SNX30: variants seen among roughly 807,000 people sequenced by gnomAD.
The protein encoded by SNX30 is sorting nexin family member 30, also known as sorting nexin-30.
A neutral mutation model predicts 46.4 loss-of-function variants in SNX30; 24 were observed. The ratio of observed to expected loss-of-function variants is 0.52; its 90% CI spans 0.37 to 0.73. The LOEUF is 0.73. SNX30 is among the 30% of genes least tolerant of loss of function. The pLI, the probability that SNX30 is intolerant of heterozygous loss-of-function variation, is 0.00. For missense variants in SNX30, 533 were observed against 555.7 expected, an observed-to-expected ratio of 0.96 and a Z score of 0.41; for synonymous variants, 189 against 211.5, an observed-to-expected ratio of 0.89 and a Z score of 0.92.
intron 3 of SNX30, among the ~76,000 whole-genome samples, chr9:112,826,933 C>T (rs1006975408): frequency 1.3e-5 from 2 of 152,184 alleles, no homozygotes; most frequent in Non-Finnish European, 2.9e-5. Flanking sequence ...CACTGCATTT[C>T]GAATATTCTA....
rs941078348 is a variant in SNX30, at chr9:112,765,838, C to G, written c.156+14681C>G. Among the ~76,000 whole-genome samples the G allele has an allele frequency of 2.6e-5, 4 of 152,274 alleles. No individual in the cohort carries two copies. In the East Asian group the frequency reaches 5.8e-4, roughly 22 times the overall value. The stretch of plus-strand genomic sequence containing the variant: ...TTTCTTTTTGAGATGGAGTCTCACT[C>G]TGTTGCCCAGGCTGGAGTGCAGTGG... On this transcript the variant is annotated intron_variant, in intron 1 of 8. Transcript: ENST00000374232.
intron 1 of SNX30, among the ~76,000 whole-genome samples, chr9:112,785,092 A>G (rs1839901787): frequency 6.6e-6 from 1 of 152,202 alleles, no homozygotes; most frequent in South Asian, 2.1e-4. Context: ...GTTTTGGTCT[A>G]TAGAATAAAT....
At chr9:112,842,860 T>C (rs1028766050) in intron 6 of SNX30, among the ~76,000 whole-genome samples, 1 of 152,232 alleles carries the variant, frequency 6.6e-6, no homozygotes, top group East Asian at 1.9e-4. Context: ...GAACAGCTTG[T>C]ACTAGAAAGA....
downstream of SNX30, chr9:112,879,457 G>C: frequency 3.3e-6 from 1 of 299,792 alleles, no homozygotes; most frequent in Non-Finnish European, 6.3e-6. Flanking sequence ...GCCCCTCACA[G>C]GGCCTGGGAC....
intron 1 of SNX30, among the ~76,000 whole-genome samples, chr9:112,762,441 C>T (rs1024576335): frequency 6.6e-6 from 1 of 152,036 alleles, no homozygotes; most frequent in Non-Finnish European, 1.5e-5. Flanking sequence ...ATCTCTCCCC[C>T]GAGAGGTTAA....
At chr9:112,758,062 C>G (rs982249838) in intron 1 of SNX30, among the ~76,000 whole-genome samples, 1 of 152,114 alleles carries the variant, frequency 6.6e-6, no homozygotes, top group Admixed American at 6.5e-5. Flanking sequence ...TGCTGATTGC[C>G]TCACCTTCCA....
At chr9:112,856,365 C>T (rs1462489544) in intron 7 of SNX30, among the ~76,000 whole-genome samples, 4 of 113,948 alleles carry the variant, frequency 3.5e-5, no homozygotes, top group Non-Finnish European at 5.5e-5. Context: ...GGGGAGGGCA[C>T]GTGGCATGTA....
intron 1 of SNX30, among the ~76,000 whole-genome samples, chr9:112,768,358 C>T (rs1354488832): frequency 6.6e-6 from 1 of 152,206 alleles, no homozygotes; most frequent in African/African-American, 2.4e-5. Flanking sequence ...GTGGCATTGA[C>T]ATCACCTGAG....
At chr9:112,844,936 CA>C (rs1319935840) in intron 6 of SNX30, among the ~76,000 whole-genome samples, 2 of 152,128 alleles carry the variant, frequency 1.3e-5, no homozygotes, top group Admixed American at 6.5e-5. Flanking sequence ...GGTGCCTTTC[CA>C]AAACTGAAAT....
At position 112,772,171 on chromosome 9, in the gene SNX30, T is replaced by A. The variant is rs374150274; in HGVS notation, c.156+21014T>A. 2.6e-5 allele frequency among the ~76,000 whole-genome samples: 4 copies of A among 152,308 alleles called. No individual in the cohort carries two copies. The East Asian group carries it at 7.7e-4, about 29-fold the overall frequency. ...TCTGTTCTGGTTTCCTTTAGAACAA[T>A]CCTTATTCTAGTGAGGGGTTACTCT... On this transcript the variant is annotated intron_variant, in intron 1 of 8. Coordinates refer to ENST00000374232, the MANE Select transcript of SNX30 (RefSeq NM_001012994.2).
At chr9:112,865,624 C>CATATATGTAT (rs1841312945) in intron 8 of SNX30, among the ~76,000 whole-genome samples, 1 of 79,020 alleles carries the variant, frequency 1.3e-5, no homozygotes, top group Non-Finnish European at 2.4e-5. Context: ...CCTGTCACGC[C>CATATATGTAT]ATATATATAT....
At chr9:112,860,417 C>G (rs1841207827) in intron 7 of SNX30, among the ~76,000 whole-genome samples, 1 of 152,224 alleles carries the variant, frequency 6.6e-6, no homozygotes, top group Non-Finnish European at 1.5e-5. Context: ...TCCCTCCTTT[C>G]TGTGATCTGT....
At chr9:112,751,913 A>C (rs1839284766) in intron 1 of SNX30, among the ~76,000 whole-genome samples, 3 of 152,144 alleles carry the variant, frequency 2.0e-5, no homozygotes, top group Non-Finnish European at 4.4e-5. Context: ...GAGTCCAGGC[A>C]GGGGTAAGGG....
chr9:112,779,732 A>G (rs1839815778), intron 1 of SNX30, among the ~76,000 whole-genome samples: 1 of 152,102 alleles, frequency 6.6e-6, no homozygotes, highest in African/African-American at 2.4e-5. Context: ...TTCATTGCTG[A>G]AGGGTGAGGG....
intron 8 of SNX30, chr9:112,866,527 C>T (rs996095517): frequency 4.3e-6 from 2 of 470,472 alleles, no homozygotes; most frequent in African/African-American, 2.0e-5. Flanking sequence ...GAGAGCAGGA[C>T]CTGGAATGCC....
chr9:112,842,058 C>G (rs1441838828), intron 6 of SNX30, among the ~76,000 whole-genome samples: 2 of 152,202 alleles, frequency 1.3e-5, no homozygotes, highest in African/African-American at 4.8e-5. Flanking sequence ...ATTCTCCTGC[C>G]TCAGGCTCCC....
chr9:112,781,742 A>G (rs748820011), intron 1 of SNX30, among the ~76,000 whole-genome samples: 1 of 151,228 alleles, frequency 6.6e-6, no homozygotes, highest in Non-Finnish European at 1.5e-5. Context: ...GGGGATTCCC[A>G]TGCCTCAGCC....
chr9:112,885,643 A>G (rs1426838603), downstream of SNX30: 1 of 152,170 alleles, frequency 6.6e-6, no homozygotes, highest in Non-Finnish European at 1.5e-5. Context: ...TAAAATACAT[A>G]CTGGATTTCA....
intron 6 of SNX30, among the ~76,000 whole-genome samples, chr9:112,842,747 G>A (rs17743824): frequency 6.6e-6 from 1 of 152,188 alleles, no homozygotes; most frequent in Admixed American, 6.5e-5. Flanking sequence ...TTGTGGCTAG[G>A]TATGTTCTGT....
Sources: allele counts gnomAD v4.1 joint callset (sites outside exome capture counted in the v4.1 genomes callset), GRCh38; gene constraint gnomAD v4.1.1; transcripts MANE v1.5; gene names NCBI Gene and HGNC (gene_info 2026-07-23, HGNC 2026-07-21).